HDAC4: variants seen among roughly 807,000 people sequenced by gnomAD.
The protein encoded by HDAC4 is histone deacetylase A.
HDAC4 carries 16 observed loss-of-function variants against 135.1 expected under a neutral mutation model. That is an observed-to-expected ratio of 0.12 (90% confidence interval 0.08 to 0.18). The LOEUF (loss-of-function observed/expected upper bound fraction) is 0.18. Ranked by LOEUF, HDAC4 falls within the 10% of genes least tolerant of loss-of-function variation. The pLI, the probability that HDAC4 is intolerant of heterozygous loss-of-function variation, is 1.00. For missense variants in HDAC4, 1,143 were observed against 1,511.8 expected, an observed-to-expected ratio of 0.76 and a Z score of 4.05; for synonymous variants, 685 against 653.4, an observed-to-expected ratio of 1.05 and a Z score of -0.74.
rs145596755 is a variant in HDAC4, at chr2:239,322,935, G to A, written c.22+29743C>T. Among the ~76,000 whole-genome samples, 11 of 152,316 alleles carry A rather than the reference G, an allele frequency of 7.2e-5. No individual in the cohort carries two copies. In the East Asian group the frequency reaches 2.1e-3, roughly 29 times the overall value. On this transcript the variant is annotated intron_variant, in intron 2 of 26. Transcript: ENST00000543185. The stretch of plus-strand genomic sequence containing the variant: ...GACAAACCCAGCGCTGCTGCGGGGT[G>A]TGTGGAGGCATCTTGCCATAGTGGG...
intron 1 of HDAC4, among the ~76,000 whole-genome samples, chr2:239,393,736 C>T (rs970639576): frequency 2.8e-4 from 43 of 152,046 alleles, no homozygotes; most frequent in Admixed American, 1.3e-4. Flanking sequence ...CTGTTTAGCT[C>T]CTTTTTCTCC....
At chr2:239,248,005 G>GA (rs2124886497) in intron 2 of HDAC4, among the ~76,000 whole-genome samples, 1 of 152,316 alleles carries the variant, frequency 6.6e-6, no homozygotes, top group South Asian at 2.1e-4. Context: ...GTGAGATGGG[G>GA]AGAGAGTGAG....
intron 2 of HDAC4, among the ~76,000 whole-genome samples, chr2:239,324,545 C>T (rs2125783678): frequency 1.3e-5 from 2 of 152,360 alleles, no homozygotes; most frequent in East Asian, 3.9e-4. Context: ...CAGCAGCCCA[C>T]CCGCTTCAGT....
At chr2:239,216,410 G>T (rs985761775) in intron 3 of HDAC4, among the ~76,000 whole-genome samples, 1 of 152,164 alleles carries the variant, frequency 6.6e-6, no homozygotes, top group African/African-American at 2.4e-5. Flanking sequence ...GCGATGAGGA[G>T]GAAGACGATG....
chr2:239,379,716 T>A (rs1362254415), intron 1 of HDAC4, among the ~76,000 whole-genome samples: 2 of 152,118 alleles, frequency 1.3e-5, no homozygotes, highest in Admixed American at 1.3e-4. Flanking sequence ...CAGGGTGGGG[T>A]AAGCGCCCTT....
At chr2:239,096,540 C>T (rs1278162217) in intron 16 of HDAC4, among the ~76,000 whole-genome samples, 4 of 101,674 alleles carry the variant, frequency 3.9e-5, no homozygotes, top group Non-Finnish European at 8.0e-5. Flanking sequence ...GTACCCCCCA[C>T]GGATGCCCAC....
intron 16 of HDAC4, among the ~76,000 whole-genome samples, chr2:239,099,570 C>T (rs979576558): frequency 6.6e-6 from 1 of 152,224 alleles, no homozygotes; most frequent in Non-Finnish European, 1.5e-5. Flanking sequence ...ACAGCACACT[C>T]TAGCCTCAGT....
intron 3 of HDAC4, among the ~76,000 whole-genome samples, chr2:239,202,262 A>T (rs2045801153): frequency 6.6e-6 from 1 of 152,220 alleles, no homozygotes; most frequent in Admixed American, 6.5e-5. Context: ...TTGTCAGGAA[A>T]GCCTAATGAG....
At chr2:239,248,151 G>A (rs1254908308) in intron 2 of HDAC4, among the ~76,000 whole-genome samples, 1 of 151,546 alleles carries the variant, frequency 6.6e-6, no homozygotes, top group Admixed American at 6.6e-5. Flanking sequence ...CAGCCAACAC[G>A]CCCCTTGGGT....
At chr2:239,381,743 T>C (rs1239871366) in intron 1 of HDAC4, among the ~76,000 whole-genome samples, 1 of 152,212 alleles carries the variant, frequency 6.6e-6, no homozygotes, top group Non-Finnish European at 1.5e-5. Context: ...TGTAGAATGT[T>C]CAGTGGCAAC....
chr2:239,106,334 T>TG (rs1389861803), intron 15 of HDAC4, among the ~76,000 whole-genome samples: 1 of 151,260 alleles, frequency 6.6e-6, no homozygotes, highest in Admixed American at 6.6e-5. Context: ...CTCCTGGGGG[T>TG]GGGGGCACAT....
chr2:239,223,719 T>C (rs926014706), intron 3 of HDAC4, among the ~76,000 whole-genome samples: 4 of 152,120 alleles, frequency 2.6e-5, no homozygotes, highest in Admixed American at 2.6e-4. Context: ...AGGACCTTGC[T>C]GCTGGCTGTG....
rs2043189643 is a variant in HDAC4 at position 239,167,615 on chromosome 2, G to A, written c.491-3692C>T. Among the ~76,000 whole-genome samples, 1 of 152,128 alleles carries A rather than the reference G, an allele frequency of 6.6e-6. No individual in the cohort carries two copies. The highest frequency in any genetic ancestry group is 2.4e-5 in the African/African-American group (1 of 41,408). ...TGATTCTGACCCCCACCCCGTTTCT[G>A]CACTTCTGGTTATGCACACGCTCAT... On this transcript the variant is annotated intron_variant, in intron 5 of 26. Transcript: ENST00000543185. The surrounding 1 kb of genome is among the most constrained non-coding windows in gnomAD (Gnocchi z 4.1).
intron 2 of HDAC4, among the ~76,000 whole-genome samples, chr2:239,289,139 A>G (rs2051312104): frequency 6.6e-6 from 1 of 152,236 alleles, no homozygotes; most frequent in Non-Finnish European, 1.5e-5. Flanking sequence ...GAAAGGGTGT[A>G]AAGTGTCAAA....
At chr2:239,287,519 G>A (rs2051205172) in intron 2 of HDAC4, among the ~76,000 whole-genome samples, 1 of 152,160 alleles carries the variant, frequency 6.6e-6, no homozygotes, top group Admixed American at 6.5e-5. Context: ...GTCAAAACTT[G>A]TTGTATGCAC....
chr2:239,144,453 G>T, intron 8 of HDAC4, 130 bp downstream of exon 8: 1 of 1,233,198 alleles, frequency 8.1e-7, no homozygotes, highest in Non-Finnish European at 1.2e-6. Context: ...CATGGGAACA[G>T]GACCACACTG....
At chr2:239,181,571 G>A (rs923567706) in intron 4 of HDAC4, among the ~76,000 whole-genome samples, 42 of 152,378 alleles carry the variant, frequency 2.8e-4, no homozygotes, top group African/African-American at 1.0e-3. Context: ...GGGATGGTGG[G>A]ATAAACATAA....
At chr2:239,204,875 A>G (rs1325278399) in intron 3 of HDAC4, among the ~76,000 whole-genome samples, 1 of 152,144 alleles carries the variant, frequency 6.6e-6, no homozygotes, top group Non-Finnish European at 1.5e-5. Context: ...AAAGCCTCTT[A>G]GGGTCCCCAT....
chr2:239,113,302 AG>A (rs2038843412), intron 13 of HDAC4, among the ~76,000 whole-genome samples: 1 of 152,152 alleles, frequency 6.6e-6, no homozygotes, highest in Non-Finnish European at 1.5e-5. Context: ...AGAAGAAGGA[AG>A]CCCTGAGACA....
Sources: gnomAD v4.1 joint callset for allele counts (sites outside exome capture counted in the v4.1 genomes callset) on GRCh38, gnomAD v4.1.1 for gene constraint, Gnocchi (gnomAD v3.1) non-coding constraint, MANE v1.5 for transcripts, NCBI Gene and HGNC (gene_info 2026-07-23, HGNC 2026-07-21) for gene names.